RNF103: variants seen among roughly 807,000 people sequenced by gnomAD.
RNF103 encodes E3 ubiquitin-protein ligase RNF103.
RNF103 carries 23 observed loss-of-function variants against 66.2 expected under a neutral mutation model. That is an observed-to-expected ratio of 0.35 (90% CI 0.25 to 0.49). The LOEUF is 0.49. Among genes scored for constraint, RNF103 ranks in the 20% least tolerant of loss-of-function variants. The pLI is 0.98. For synonymous variants in RNF103, 297 were observed against 289.9 expected, an observed-to-expected ratio of 1.02 and a Z score of -0.25; for missense variants, 730 against 814.7, an observed-to-expected ratio of 0.90 and a Z score of 1.27.
chr2:86,609,663 G>A (rs969056696), intron 3 of RNF103, among the ~76,000 whole-genome samples: 1 of 151,864 alleles, frequency 6.6e-6, no homozygotes, highest in African/African-American at 2.4e-5. Context: ...TGGGATTACA[G>A]GCGTGAGCCA....
At position 86,604,364 on chromosome 2, in the gene RNF103, G is replaced by A; in HGVS notation, c.1537C>T (p.Pro513Ser). Residue 513 changes from proline to serine, a missense_variant, in exon 4 of 4, where the codon CCA (proline) becomes TCA (serine). Around this residue, in one of 3 missense-constraint regions of RNF103, gnomAD observed 355 missense variants for 351.9 expected, o/e 1.01. Coordinates refer to ENST00000237455, the MANE Select transcript of RNF103 (RefSeq NM_005667.4). The stretch of plus-strand genomic sequence containing the variant: ...CCAAGACATTTAAATCGCCACATTG[G>A]TAAGTTTTTAATATAATCAGTTGGT... ...LIPTDYIKNL[P>S]MWRFKCLGVQ... The A allele has an allele frequency of 6.2e-7, 1 of 1,614,194 alleles. No individual in the cohort carries two copies. The highest frequency in any genetic ancestry group is 8.5e-7 in the Non-Finnish European group (1 of 1,180,050).
chr2:86,607,115 A>G (rs1398708949), intron 3 of RNF103, among the ~76,000 whole-genome samples: 1 of 152,162 alleles, frequency 6.6e-6, no homozygotes, highest in Non-Finnish European at 1.5e-5. Context: ...AGTAAAATTT[A>G]CCTCAATAAA....
intron 3 of RNF103, among the ~76,000 whole-genome samples, chr2:86,611,059 C>T (rs1325448676): frequency 1.3e-5 from 2 of 151,524 alleles, no homozygotes; most frequent in Non-Finnish European, 2.9e-5. Flanking sequence ...GCATGTAGTC[C>T]CAGCTACTTG....
At chr2:86,620,520 C>G (rs367758570) in intron 1 of RNF103, 51 bp from the exon 2 acceptor site, 550 of 1,464,202 alleles carry the variant, frequency 3.8e-4, no homozygotes, top group Non-Finnish European at 4.7e-4. Context: ...ATCCTAGATT[C>G]CCAATTTCAG....
intron 2 of RNF103, chr2:86,617,358 C>T (rs1389597458): frequency 1.1e-6 from 1 of 933,044 alleles, no homozygotes; most frequent in Non-Finnish European, 1.3e-6. Context: ...TCACTTTCTG[C>T]AGTCAACTGC....
chr2:86,606,933 C>A (rs1343755768), intron 3 of RNF103, among the ~76,000 whole-genome samples: 1 of 151,992 alleles, frequency 6.6e-6, no homozygotes, highest in African/African-American at 2.4e-5. Flanking sequence ...TGCACGCCAC[C>A]ATGCTAGGCT....
In RNF103 at chr2:86,620,375, G is replaced by A. The variant is rs766415221; in HGVS notation, c.321C>T (p.Phe107=). ...CTTTTGTGTCTTCCACAAGCTCATAGAAGTGCATTTCACCACTGAAATTGG... is the reference window on the plus strand; with the variant it reads ...CTTTTGTGTCTTCCACAAGCTCATAAAAGTGCATTTCACCACTGAAATTGG... The part of the protein sequence containing the change: ...SSTNFSGEMH[F]YELVEDTKDG... The change falls in exon 2 of 4, where the codon TTC becomes TTT. Residue 107 remains phenylalanine, a synonymous_variant. Coordinates refer to ENST00000237455, the MANE Select transcript of RNF103 (RefSeq NM_005667.4). 28 of 1,608,536 alleles carry A rather than the reference G, an allele frequency of 1.7e-5. No homozygotes were observed. The highest frequency in any genetic ancestry group is 1.8e-5 in the Non-Finnish European group (21 of 1,176,044).
Position 86,603,628 on chromosome 2 carries a change from C to A in RNF103, c.*215G>T. The A allele has an allele frequency of 1.8e-6, 1 of 558,832 alleles. No homozygotes were observed. The highest frequency in any genetic ancestry group is 2.9e-6 in the Non-Finnish European group (1 of 339,020). 34.6% of individuals were successfully genotyped at this position (558,832 alleles called of 1,614,324 possible). On this transcript the variant is annotated 3_prime_UTR_variant, in exon 4 of 4. Transcript: ENST00000237455. ...CAAAAAAACATTAACTTCTGAATTTCCAATGTTGTAAATAAAAAAATTTTA... is the reference window on the plus strand; with the variant it reads ...CAAAAAAACATTAACTTCTGAATTTACAATGTTGTAAATAAAAAAATTTTA...
Position 86,603,662 on chromosome 2 carries a change from T to A in RNF103, c.*181A>T. The A allele has an allele frequency of 1.3e-6, 1 of 782,238 alleles. No individual in the cohort carries two copies. The highest frequency in any genetic ancestry group is 1.9e-6 in the Non-Finnish European group (1 of 525,548). 48.5% of individuals were successfully genotyped at this position (782,238 alleles called of 1,614,324 possible). On this transcript the variant is annotated 3_prime_UTR_variant, in exon 4 of 4. Coordinates refer to ENST00000237455, the MANE Select transcript of RNF103 (RefSeq NM_005667.4). The stretch of plus-strand genomic sequence containing the variant: ...TAAATAAAAAAATTTTACAATTAGG[T>A]ATGCATTCAATTAACACACAAGGCA...
chr2:86,611,458 G>T (rs917383176), intron 3 of RNF103, among the ~76,000 whole-genome samples: 2 of 151,888 alleles, frequency 1.3e-5, no homozygotes, highest in Non-Finnish European at 2.9e-5. Flanking sequence ...GTTATAACTT[G>T]GTAGCAAGAG....
At chr2:86,608,518 A>G (rs1678663551) in intron 3 of RNF103, among the ~76,000 whole-genome samples, 1 of 151,186 alleles carries the variant, frequency 6.6e-6, no homozygotes, top group African/African-American at 2.4e-5. Context: ...AAAGGAAGAA[A>G]GGAAGAGAGA....
chr2:86,622,925 T>C lies in RNF103; in HGVS notation c.-39A>G. ...TCCTCTCTTTCCAGAGAGCTCGGAA[T>C]ACGGGAGAGAGAAGGGTCGAGGGCG... On this transcript the variant is annotated 5_prime_UTR_variant, in exon 1 of 4. Transcript: ENST00000237455. The C allele has an allele frequency of 6.4e-7, 1 of 1,553,640 alleles. No individual in the cohort carries two copies. The highest frequency in any genetic ancestry group is 8.7e-7 in the Non-Finnish European group (1 of 1,148,730).
In RNF103 at chr2:86,623,232, T is replaced by G; in HGVS notation, c.-346A>C. 1 of 1,006,544 alleles carries G rather than the reference T, an allele frequency of 9.9e-7. No homozygotes were observed. The highest frequency in any genetic ancestry group is 4.3e-5 in the South Asian group (1 of 22,996). 62.4% of individuals were successfully genotyped at this position (1,006,544 alleles called of 1,614,324 possible). A position where few individuals can be genotyped will look rare whatever the true frequency, so the allele number is the denominator to read the frequency against. ...GGGGAAGAACAAAACGAGGGACGCT[T>G]CCCCCGGGGCGGGCACTGACCCAGG... is the stretch of plus-strand genomic sequence containing the variant. On this transcript the variant is annotated 5_prime_UTR_variant, in exon 1 of 4. Transcript: ENST00000237455.
At chr2:86,607,290 A>T (rs540180633) in intron 3 of RNF103, among the ~76,000 whole-genome samples, 2 of 152,244 alleles carry the variant, frequency 1.3e-5, no homozygotes, top group Non-Finnish European at 2.9e-5. Flanking sequence ...TTAAATAAAC[A>T]TATTACACAT....
rs1273516512 is a variant in RNF103, at chr2:86,604,714, T to G, written c.1187A>C (p.Tyr396Ser). 5 of 1,614,040 alleles carry G rather than the reference T, an allele frequency of 3.1e-6. No individual in the cohort carries two copies. The African/African-American group carries it at 6.7e-5, about 22-fold the overall frequency. The stretch of plus-strand genomic sequence containing the variant: ...TGAAGCCAGTGTGGTTGTATTGGAA[T>G]ATCTCAACAATTTTAAGCTATATTC... ...FYEYSLKLLR[Y>S]SNTTTLASWV... The change falls in exon 4 of 4, where the codon TAT becomes TCT. Residue 396 changes from tyrosine (Y) to serine (S), a missense_variant. By Grantham distance (144) the Tyr-to-Ser change is moderately radical. This residue lies in a region of RNF103 where 355 missense variants were observed against 351.9 expected (regional missense o/e 1.01). Coordinates refer to ENST00000237455, the MANE Select transcript of RNF103 (RefSeq NM_005667.4).
chr2:86,612,030 T>C (rs4832044), intron 3 of RNF103, 129 bp downstream of exon 3: 4 of 529,216 alleles, frequency 7.6e-6, no homozygotes, highest in East Asian at 6.5e-5. Context: ...CAAGCACCTA[T>C]GTAACTAAGA....
chr2:86,618,575 T>C (rs1307433282), intron 2 of RNF103: 6 of 152,294 alleles, frequency 3.9e-5, no homozygotes, highest in Admixed American at 2.0e-4. Context: ...TTGTTGTCTA[T>C]AGGCAGCAGC....
Position 86,603,876 on chromosome 2 carries a change from T to C in RNF103, c.2025A>G (p.Gln675=), listed in dbSNP as rs765651613. 2.3e-5 allele frequency: 37 copies of C among 1,613,906 alleles called. No homozygotes were observed. In the East Asian group the frequency reaches 8.0e-4, roughly 35 times the overall value. ...GGACATCATTTGACAAGGGCTGGTGTTGTGCATATGGCTGCTTTTTTTTAT... is the reference window on the plus strand; with the variant it reads ...GGACATCATTTGACAAGGGCTGGTGCTGTGCATATGGCTGCTTTTTTTTAT... ...PSYKKKQPYA[Q]HQPLSNDVPS The change falls in exon 4 of 4, where the codon CAA becomes CAG. Residue 675 remains glutamine (Q), a synonymous_variant. Transcript: ENST00000237455.
chr2:86,614,888 G>GT (rs1678958295), intron 2 of RNF103: 1 of 985,346 alleles, frequency 1.0e-6, no homozygotes, highest in Non-Finnish European at 1.2e-6. Flanking sequence ...CTTGATCAAG[G>GT]TTGCAAATAA....
Sources: allele counts gnomAD v4.1 joint callset (sites outside exome capture counted in the v4.1 genomes callset), GRCh38; gene constraint gnomAD v4.1.1; regional missense constraint gnomAD v4.1.1; transcripts MANE v1.5; gene names NCBI Gene and HGNC (gene_info 2026-07-23, HGNC 2026-07-21).